KLF13: variants seen among roughly 807,000 people sequenced by gnomAD.
KLF13 encodes the protein KLF transcription factor 13, also known as Krueppel-like factor 13.
Under a neutral mutation model 16.7 loss-of-function variants are expected in KLF13, and 8 were observed. The observed-to-expected ratio is 0.48, with a 90% CI of 0.28 to 0.87. The LOEUF is 0.87. KLF13 is among the 40% of genes least tolerant of loss of function. The pLI is 0.10. For missense variants in KLF13, 447 were observed against 452.2 expected, an observed-to-expected ratio of 0.99 and a Z score of 0.10; for synonymous variants, 245 against 208.4, an observed-to-expected ratio of 1.18 and a Z score of -1.51.
chr15:31,415,932 GA>G (rs1256226367), intron 1 of KLF13, among the ~76,000 whole-genome samples: 3 of 150,918 alleles, frequency 2.0e-5, no homozygotes, highest in Non-Finnish European at 4.4e-5. Context: ...CTTCTAGGTT[GA>G]ACAAGAAAAA....
intron 1 of KLF13, among the ~76,000 whole-genome samples, chr15:31,432,466 TA>T (rs66677232): frequency 0.53 from 74,392 of 140,702 alleles, 20,379 homozygotes; most frequent in South Asian, 0.66. Flanking sequence ...TTTTTTTTTT[TA>T]AAATAAGGTC....
At chr15:31,339,293 A>G in intron 1 of KLF13, among the ~76,000 whole-genome samples, 1 of 152,098 alleles carries the variant, frequency 6.6e-6, no homozygotes. Context: ...AGATACCAAA[A>G]TGTCTGACCT....
At chr15:31,330,847 C>A (rs1407529013) in intron 1 of KLF13, among the ~76,000 whole-genome samples, 1 of 152,214 alleles carries the variant, frequency 6.6e-6, no homozygotes, top group East Asian at 1.9e-4. Context: ...ACTTCCGAGT[C>A]CAGACCTGGA....
chr15:31,346,661 G>A lies in KLF13; in HGVS notation c.577+18872G>A, dbSNP rs115450730. On this transcript the variant is annotated intron_variant, in intron 1 of 1. Transcript: ENST00000307145. The stretch of plus-strand genomic sequence containing the variant: ...GTGTCACACAGCAGCCTTCACTTCC[G>A]TATCTTTCTTTCTCTTTTAAAGGCA... Among the ~76,000 whole-genome samples the A allele has an allele frequency of 7.5e-3, 1,146 of 152,322 alleles. 21 individuals carry two copies. Among genetic ancestry groups the A allele is most frequent in the African/African-American group, 0.026 (1,086 of 41,556 alleles).
chr15:31,395,609 A>G (rs2039943106), intron 2 of KLF13, among the ~76,000 whole-genome samples: 1 of 152,164 alleles, frequency 6.6e-6, no homozygotes, highest in African/African-American at 2.4e-5. Context: ...CCCACTGGCA[A>G]TCCATGAGAG....
Position 31,327,244 on chromosome 15 carries a change from C to T in KLF13, c.32C>T (p.Ala11Val). The change falls in exon 1 of 2, where the codon GCC (alanine) becomes GTC (valine). Residue 11 changes from alanine to valine, a missense_variant. Around this residue, in one of 2 missense-constraint regions of KLF13, gnomAD observed 359 missense variants for 282.8 expected, o/e 1.27. Transcript: ENST00000307145. The part of the protein sequence containing the change: MAAAAYVDHF[A>V]AECLVSMSSR... ...GCCGCCGCCTATGTGGACCACTTCG[C>T]CGCCGAGTGCCTCGTGTCCATGTCG... 7.3e-7 allele frequency: 1 copy of T among 1,379,224 alleles called. No homozygotes were observed. The allele number at this position is 1,379,224 out of a possible 1,614,324, so 85.4% of individuals were successfully genotyped here.
intron 1 of KLF13, among the ~76,000 whole-genome samples, chr15:31,423,865 G>A (rs575701044): frequency 2.0e-5 from 3 of 151,974 alleles, no homozygotes; most frequent in Admixed American, 6.6e-5. Flanking sequence ...AAGGAAAACG[G>A]GTAGATCACA....
At chr15:31,423,135 A>G (rs201003302) in intron 1 of KLF13, among the ~76,000 whole-genome samples, 1 of 113,036 alleles carries the variant, frequency 8.8e-6, no homozygotes, top group Admixed American at 7.9e-5. Flanking sequence ...ATATATACGT[A>G]TACGTATACG....
intron 1 of KLF13, among the ~76,000 whole-genome samples, chr15:31,352,178 A>G (rs1184289359): frequency 1.3e-5 from 2 of 152,216 alleles, no homozygotes; most frequent in Non-Finnish European, 2.9e-5. Flanking sequence ...GGAGCTTCAG[A>G]CTGTTCCGAA....
At chr15:31,402,575 T>C (rs1205838187) in intron 2 of KLF13, among the ~76,000 whole-genome samples, 1 of 152,188 alleles carries the variant, frequency 6.6e-6, no homozygotes, top group Non-Finnish European at 1.5e-5. Context: ...CGTGCTCAGG[T>C]CCGACCTGGC....
In KLF13 at chr15:31,425,405, T is replaced by TC. The variant is rs1231406480; in HGVS notation, n.118-9965_118-9964insC. Among the ~76,000 whole-genome samples, 3 of 152,310 alleles carry TC rather than the reference T, an allele frequency of 2.0e-5. No homozygotes were observed. In the East Asian group the frequency reaches 5.8e-4, roughly 29 times the overall value. Reference sequence around the variant, plus strand: ...AATACTACTCTGACAGTGATCAGAATAGTATGATACTGGCATAAAGACCTA... The same window carrying TC: ...AATACTACTCTGACAGTGATCAGAATCAGTATGATACTGGCATAAAGACCTA... On this transcript the variant is annotated intron_variant and non_coding_transcript_variant, in intron 1 of 1. Transcript: ENST00000558225.
intron 1 of KLF13, among the ~76,000 whole-genome samples, chr15:31,353,748 G>C (rs1595467297): frequency 6.6e-6 from 1 of 152,202 alleles, no homozygotes; most frequent in Non-Finnish European, 1.5e-5. Flanking sequence ...AGCTGGCAGG[G>C]CTGTGGAGTG....
rs568597265 is a variant in KLF13 at position 31,423,096 on chromosome 15, T to C, written n.118-12274T>C. Among the ~76,000 whole-genome samples, 16 of 140,332 alleles carry C rather than the reference T, an allele frequency of 1.1e-4. 1 individual carries two copies. The highest frequency in any genetic ancestry group is 3.6e-4 in the Admixed American group (5 of 13,778). 92.1% of individuals were successfully genotyped at this position (140,332 alleles called of 152,430 possible). ...TAACAATTACATATATATACGTATA[T>C]ATACGTATACGTATACGTATATATA... is the stretch of plus-strand genomic sequence containing the variant. On this transcript the variant is annotated intron_variant and non_coding_transcript_variant, in intron 1 of 1. Transcript: ENST00000558225.
At chr15:31,400,156 C>T (rs1364970617) in intron 2 of KLF13, among the ~76,000 whole-genome samples, 2 of 152,246 alleles carry the variant, frequency 1.3e-5, no homozygotes, top group Non-Finnish European at 1.5e-5. Flanking sequence ...CCACTCTGCT[C>T]TCCCTCCACC....
At chr15:31,329,957 G>A (rs1361702734) in intron 1 of KLF13, among the ~76,000 whole-genome samples, 1 of 152,104 alleles carries the variant, frequency 6.6e-6, no homozygotes, top group African/African-American at 2.4e-5. Context: ...GCATGTTACC[G>A]GTACCCCAGG....
downstream of KLF13, among the ~76,000 whole-genome samples, chr15:31,407,705 G>A (rs2040145403): frequency 1.3e-5 from 2 of 152,172 alleles, no homozygotes; most frequent in East Asian, 3.9e-4. Context: ...GCAGTGAAAA[G>A]CAAATCCATA....
chr15:31,389,224 AATTATTT>A (rs1205669764), upstream of KLF13, among the ~76,000 whole-genome samples: 3 of 152,174 alleles, frequency 2.0e-5, no homozygotes, highest in Admixed American at 2.0e-4. Flanking sequence ...TCTTTCTTAT[AATTATTT>A]TCTTAATAAC....
At chr15:31,336,036 G>A (rs760361515) in intron 1 of KLF13, among the ~76,000 whole-genome samples, 13 of 152,262 alleles carry the variant, frequency 8.5e-5, no homozygotes, top group Non-Finnish European at 1.6e-4. Flanking sequence ...AAGCTTGGGA[G>A]TGGGGAGAGG....
chr15:31,357,027 T>C (rs2039311172), intron 1 of KLF13, among the ~76,000 whole-genome samples: 1 of 152,254 alleles, frequency 6.6e-6, no homozygotes, highest in Non-Finnish European at 1.5e-5. Flanking sequence ...TTCATATTTT[T>C]TCCCTCTTAC....
Sources: allele counts gnomAD v4.1 joint callset (sites outside exome capture counted in the v4.1 genomes callset), GRCh38; gene constraint gnomAD v4.1.1; regional missense constraint gnomAD v4.1.1; transcripts MANE v1.5; gene names NCBI Gene and HGNC (gene_info 2026-07-23, HGNC 2026-07-21).